Variants in PALM2AKAP2 observed in about 807,000 individuals in gnomAD.
PALM2AKAP2 encodes PALM2-AKAP2 fusion protein.
A neutral mutation model predicts 71.5 loss-of-function variants in PALM2AKAP2; 37 were observed. That is an observed-to-expected ratio of 0.52 (90% CI 0.40 to 0.68). PALM2AKAP2 has a LOEUF of 0.68. Among genes scored for constraint, PALM2AKAP2 ranks in the 30% least tolerant of loss-of-function variants. PALM2AKAP2 has a pLI of 0.00. For missense variants in PALM2AKAP2, 1,224 were observed against 1,191.8 expected (o/e 1.03, Z -0.40); for synonymous variants, 468 against 478.8 (o/e 0.98, Z 0.29).
chr9:109,738,825 G>C (rs1885504), intron 1 of PALM2AKAP2, among the ~76,000 whole-genome samples: 6,586 of 152,264 alleles, frequency 0.043, 191 homozygotes, highest in Non-Finnish European at 0.053. Flanking sequence ...TTAAAAAAAT[G>C]TCTAGTTTTT....
intron 1 of PALM2AKAP2, among the ~76,000 whole-genome samples, chr9:109,844,268 A>G (rs182625216): frequency 1.0e-3 from 152 of 152,366 alleles, no homozygotes; most frequent in African/African-American, 3.3e-3. Flanking sequence ...CTAGAGGAAC[A>G]TAAACTAACA....
chr9:110,031,211 C>T (rs574836149), intron 7 of PALM2AKAP2, among the ~76,000 whole-genome samples: 1 of 152,304 alleles, frequency 6.6e-6, no homozygotes, highest in Admixed American at 6.5e-5. Flanking sequence ...CAACCTCCAC[C>T]TCCCAGGTTC....
intron 7 of PALM2AKAP2, among the ~76,000 whole-genome samples, chr9:110,018,016 G>A (rs559060349): frequency 5.9e-4 from 89 of 151,288 alleles, no homozygotes; most frequent in African/African-American, 2.1e-3. Flanking sequence ...GTGAGTCACC[G>A]CTCCAGGCCA....
chr9:109,961,451 A>G (rs1234950668), intron 6 of PALM2AKAP2, among the ~76,000 whole-genome samples: 1 of 152,228 alleles, frequency 6.6e-6, no homozygotes, highest in African/African-American at 2.4e-5. Flanking sequence ...GGGCAGAACC[A>G]GTTGCTCTTT....
intron 6 of PALM2AKAP2, among the ~76,000 whole-genome samples, chr9:109,983,856 C>A (rs1191695094): frequency 1.3e-5 from 2 of 150,642 alleles, no homozygotes; most frequent in Non-Finnish European, 2.9e-5. Context: ...TAGAGCCAGA[C>A]CCTGACTTAA....
At chr9:110,102,312 T>C (rs1293746527) in intron 1 of PALM2AKAP2, among the ~76,000 whole-genome samples, 1 of 152,196 alleles carries the variant, frequency 6.6e-6, no homozygotes, top group East Asian at 1.9e-4. Flanking sequence ...TAGACAATAT[T>C]TACTGAGCTG....
chr9:109,899,410 C>T (rs895570135), intron 3 of PALM2AKAP2, among the ~76,000 whole-genome samples: 2 of 152,120 alleles, frequency 1.3e-5, no homozygotes, highest in African/African-American at 4.8e-5. Flanking sequence ...TCCAGGCCAC[C>T]ATTATCTTTC....
At chr9:110,021,641 A>G (rs182934601) in intron 7 of PALM2AKAP2, among the ~76,000 whole-genome samples, 5 of 152,096 alleles carry the variant, frequency 3.3e-5, no homozygotes, top group Admixed American at 2.6e-4. Flanking sequence ...TTTTCAGCCT[A>G]TATTTATCAT....
chr9:109,937,679 A>G (rs1254407086), intron 6 of PALM2AKAP2, among the ~76,000 whole-genome samples: 1 of 152,218 alleles, frequency 6.6e-6, no homozygotes, highest in African/African-American at 2.4e-5. Context: ...TAATAAAAAC[A>G]TACTTCCAGA....
rs193129888 is a variant in PALM2AKAP2, at chr9:109,649,767, G to T, written c.5+8901G>T. Among the ~76,000 whole-genome samples the T allele has an allele frequency of 4.2e-4, 64 of 152,248 alleles. No homozygotes were observed. The East Asian group carries it at 0.011, about 27-fold the overall frequency. On this transcript the variant is annotated intron_variant, in intron 1 of 6. Transcript: ENST00000374531. ...AGAGGGGATGGAGACAGTGATTTGG[G>T]GGAGACATTAGCTTTGGATTGGATA...
intron 1 of PALM2AKAP2, among the ~76,000 whole-genome samples, chr9:109,669,693 T>G (rs1030384877): frequency 6.6e-6 from 1 of 151,704 alleles, no homozygotes; most frequent in Admixed American, 6.6e-5. Context: ...TTTCAGGAAA[T>G]TTTTGGTAAT....
At chr9:110,153,727 A>G (rs571138064) in intron 2 of PALM2AKAP2, among the ~76,000 whole-genome samples, 2 of 152,382 alleles carry the variant, frequency 1.3e-5, no homozygotes, top group Admixed American at 1.3e-4. Context: ...GTTTGCATTC[A>G]AATGAATTAA....
chr9:109,717,557 G>A (rs534096234), intron 1 of PALM2AKAP2, among the ~76,000 whole-genome samples: 2 of 152,326 alleles, frequency 1.3e-5, no homozygotes, highest in South Asian at 2.1e-4. Context: ...AGGCCAAAGA[G>A]GCAGATGAGT....
At chr9:109,825,499 A>C (rs1165474292) in intron 1 of PALM2AKAP2, among the ~76,000 whole-genome samples, 1 of 152,246 alleles carries the variant, frequency 6.6e-6, no homozygotes, top group East Asian at 1.9e-4. Flanking sequence ...TCTACAAAGA[A>C]CTCAAACAAA....
intron 3 of PALM2AKAP2, among the ~76,000 whole-genome samples, chr9:110,167,138 C>T (rs1190773823): frequency 2.6e-5 from 4 of 152,162 alleles, no homozygotes; most frequent in Admixed American, 2.6e-4. Context: ...AACTCGCTCC[C>T]ACATTGAATT....
intron 2 of PALM2AKAP2, among the ~76,000 whole-genome samples, chr9:110,149,638 C>G (rs1480728146): frequency 6.6e-6 from 1 of 152,126 alleles, no homozygotes; most frequent in African/African-American, 2.4e-5. Context: ...GACAAATTAC[C>G]ACAAATATAG....
intron 1 of PALM2AKAP2, among the ~76,000 whole-genome samples, chr9:109,711,432 T>C (rs1383151087): frequency 6.6e-6 from 1 of 152,208 alleles, no homozygotes; most frequent in East Asian, 1.9e-4. Flanking sequence ...ATGTACAAAG[T>C]GTATACATTT....
rs144178226 is a variant in PALM2AKAP2, at chr9:109,768,138, G to T, written c.6-12350G>T. Among the ~76,000 whole-genome samples the T allele has an allele frequency of 1.2e-4, 18 of 150,936 alleles. No homozygotes were observed. In the East Asian group the frequency reaches 3.5e-3, roughly 29 times the overall value. ...AAAGGAAGGAAAGAAAGAAAGAAAT[G>T]GAAGGAAAGAAGGAAGGAGGAAGGA... On this transcript the variant is annotated intron_variant, in intron 1 of 6. Transcript: ENST00000374531.
intron 1 of PALM2AKAP2, among the ~76,000 whole-genome samples, chr9:109,791,143 G>T (rs1251703762): frequency 6.6e-6 from 1 of 152,176 alleles, no homozygotes; most frequent in Non-Finnish European, 1.5e-5. Flanking sequence ...AATCTTACTG[G>T]TGACTAGAGA....
Sources: allele counts gnomAD v4.1 joint callset (sites outside exome capture counted in the v4.1 genomes callset), GRCh38; gene constraint gnomAD v4.1.1; transcripts MANE v1.5; gene names NCBI Gene and HGNC (gene_info 2026-07-23, HGNC 2026-07-21).